The following EYS variants were observed in gnomAD, a reference collection of about 807,000 sequenced individuals.
EYS encodes the protein EGF-like photoreceptor maintenance factor, also known as protein eyes shut homolog.
A neutral mutation model predicts 282.1 loss-of-function variants in EYS; 250 were observed. The ratio of observed to expected loss-of-function variants is 0.89; its 90% confidence interval spans 0.80 to 0.98. The LOEUF is 0.98. Among genes scored for constraint, EYS ranks in the 50% least tolerant of loss-of-function variants. EYS has a pLI of 0.00. For missense variants in EYS, 4,016 were observed against 3,709.0 expected (o/e 1.08, Z -2.15); for synonymous variants, 1,355 against 1,282.9 (o/e 1.06, Z -1.20).
intron 35 of EYS, among the ~76,000 whole-genome samples, chr6:63,974,865 C>T (rs1231649594): frequency 6.6e-6 from 1 of 152,006 alleles, no homozygotes; most frequent in Non-Finnish European, 1.5e-5. Flanking sequence ...CTTGTTGCTA[C>T]ACTCAAGGAT....
At chr6:65,580,300 A>AG (rs1312489678) in intron 2 of EYS, among the ~76,000 whole-genome samples, 1 of 152,132 alleles carries the variant, frequency 6.6e-6, no homozygotes, top group African/African-American at 2.4e-5. Context: ...CAACTCAGAG[A>AG]GAAAACAACT....
At chr6:64,250,084 G>T (rs1767157629) in intron 30 of EYS, among the ~76,000 whole-genome samples, 1 of 152,188 alleles carries the variant, frequency 6.6e-6, no homozygotes, top group Non-Finnish European at 1.5e-5. Context: ...CAAATTTCAT[G>T]CTGAGAAAAA....
chr6:65,212,681 A>G (rs910449623), intron 12 of EYS, among the ~76,000 whole-genome samples: 1 of 152,170 alleles, frequency 6.6e-6, no homozygotes, highest in Admixed American at 6.5e-5. Flanking sequence ...CCTACTAGAC[A>G]GTGCTGTTCT....
intron 12 of EYS, among the ~76,000 whole-genome samples, chr6:65,215,129 A>T (rs188292461): frequency 6.0e-4 from 92 of 152,264 alleles, no homozygotes; most frequent in African/African-American, 1.9e-3. Context: ...ATAACTTTCA[A>T]TATTATTAAG....
intron 29 of EYS, among the ~76,000 whole-genome samples, chr6:64,370,673 T>C (rs1471492654): frequency 1.3e-5 from 2 of 152,172 alleles, no homozygotes; most frequent in Non-Finnish European, 2.9e-5. Flanking sequence ...GTTTGTAGGG[T>C]TTTTATTAAT....
chr6:64,108,213 T>G (rs1773094614), intron 31 of EYS, among the ~76,000 whole-genome samples: 1 of 152,094 alleles, frequency 6.6e-6, no homozygotes, highest in Non-Finnish European at 1.5e-5. Flanking sequence ...CCCTTGGAAT[T>G]TTCTCAGACT....
chr6:64,533,752 G>A (rs1262100599), intron 26 of EYS, among the ~76,000 whole-genome samples: 1 of 151,678 alleles, frequency 6.6e-6, no homozygotes, highest in Non-Finnish European at 1.5e-5. Flanking sequence ...AAAAAACTAA[G>A]AACCCAAAAA....
chr6:65,634,441 A>T (rs545961791), intron 2 of EYS, among the ~76,000 whole-genome samples: 20 of 152,296 alleles, frequency 1.3e-4, no homozygotes, highest in Admixed American at 9.2e-4. Flanking sequence ...TCACTTTAGG[A>T]TTCAGCATTT....
chr6:63,831,220 T>C (rs1771627031), intron 36 of EYS, among the ~76,000 whole-genome samples: 2 of 152,120 alleles, frequency 1.3e-5, no homozygotes, highest in African/African-American at 4.8e-5. Context: ...ATAACAATAT[T>C]AACCTTAAAT....
At chr6:65,150,604 A>T (rs1764589670) in intron 12 of EYS, among the ~76,000 whole-genome samples, 1 of 151,860 alleles carries the variant, frequency 6.6e-6, no homozygotes, top group East Asian at 1.9e-4. Flanking sequence ...TCATTACAGG[A>T]GAATCTATTT....
chr6:65,409,485 A>T (rs1376155857), intron 5 of EYS, among the ~76,000 whole-genome samples: 1 of 152,194 alleles, frequency 6.6e-6, no homozygotes, highest in Non-Finnish European at 1.5e-5. Flanking sequence ...CTAGATTTTG[A>T]AAACAAATTT....
At position 65,123,153 on chromosome 6, in the gene EYS, G is replaced by A. The variant is rs560150214; in HGVS notation, c.2024-65426C>T. ...ATTGCTACGTAAACATCCTTTCTTC[G>A]ACTGGGGAAAAAGTGAATGTACAAA... On this transcript the variant is annotated intron_variant, in intron 12 of 42. Coordinates refer to ENST00000503581, the MANE Select transcript of EYS (RefSeq NM_001142800.2). 5.9e-5 allele frequency among the ~76,000 whole-genome samples: 9 copies of A among 152,016 alleles called. No individual in the cohort carries two copies. In the South Asian group the frequency reaches 6.2e-4, roughly 11 times the overall value.
chr6:64,688,135 C>T (rs1390040708), intron 22 of EYS, among the ~76,000 whole-genome samples: 1 of 151,720 alleles, frequency 6.6e-6, no homozygotes, highest in African/African-American at 2.4e-5. Context: ...ATTAGTCTTG[C>T]TAGCGGTCAA....
intron 22 of EYS, among the ~76,000 whole-genome samples, chr6:64,716,888 T>C (rs114632531): frequency 0.038 from 5,849 of 152,282 alleles, 246 homozygotes; most frequent in East Asian, 0.14. Context: ...CCACATATTA[T>C]ACAAAGTGGG....
chr6:65,037,956 C>T (rs1374635122), intron 13 of EYS, among the ~76,000 whole-genome samples: 3 of 151,588 alleles, frequency 2.0e-5, no homozygotes, highest in African/African-American at 7.3e-5. Flanking sequence ...TTCTCCTTTC[C>T]GTATTAGCAG....
At chr6:65,513,427 C>A (rs1452328958) in intron 2 of EYS, among the ~76,000 whole-genome samples, 1 of 152,132 alleles carries the variant, frequency 6.6e-6, no homozygotes, top group African/African-American at 2.4e-5. Context: ...GGAATCCTCC[C>A]TAACTCATTT....
Position 64,069,613 on chromosome 6 carries a change from G to C in EYS, c.6572-3122C>G, listed in dbSNP as rs571380697. Among the ~76,000 whole-genome samples the C allele has an allele frequency of 1.1e-4, 16 of 152,090 alleles. No individual in the cohort carries two copies. The South Asian group carries it at 3.3e-3, about 32-fold the overall frequency. ...CAGCATTAATATTCAGTGAACATCT[G>C]TAGATACAAAGATTGATATATGGAT... On this transcript the variant is annotated intron_variant, in intron 32 of 42. Coordinates refer to ENST00000503581, the MANE Select transcript of EYS (RefSeq NM_001142800.2).
chr6:64,063,292 G>A (rs751888596), intron 33 of EYS, among the ~76,000 whole-genome samples: 1 of 151,890 alleles, frequency 6.6e-6, no homozygotes, highest in Non-Finnish European at 1.5e-5. Flanking sequence ...TATTTCAAAG[G>A]CACCTTAATC....
intron 41 of EYS, among the ~76,000 whole-genome samples, chr6:63,747,071 G>T (rs1769228201): frequency 6.6e-6 from 1 of 152,152 alleles, no homozygotes; most frequent in Non-Finnish European, 1.5e-5. Context: ...TGGGCATTTA[G>T]TGCTATAAAT....
Sources: allele counts gnomAD v4.1 joint callset (sites outside exome capture counted in the v4.1 genomes callset), GRCh38; gene constraint gnomAD v4.1.1; transcripts MANE v1.5; gene names NCBI Gene and HGNC (gene_info 2026-07-23, HGNC 2026-07-21).